The following IQCK variants were observed in gnomAD, a reference collection of about 807,000 sequenced individuals.
IQCK encodes the protein IQ motif containing K.
In IQCK, 29 loss-of-function variants were observed where a neutral mutation model predicts 28.1. That is an observed-to-expected ratio of 1.03 (90% CI 0.77 to 1.41). IQCK has a LOEUF of 1.41. Among genes scored for constraint, IQCK ranks in the 40% most tolerant of loss-of-function variants. The probability of loss-of-function intolerance (pLI) is 0.00; values close to 1 mark genes in which losing one functional copy is unlikely to be tolerated. For synonymous variants in IQCK, 113 were observed against 115.1 expected (o/e 0.98, Z 0.12); for missense variants, 359 against 314.7 (o/e 1.14, Z -1.07).
At chr16:19,843,598 A>G (rs1189295082) in intron 9 of IQCK, among the ~76,000 whole-genome samples, 1 of 152,234 alleles carries the variant, frequency 6.6e-6, no homozygotes, top group Non-Finnish European at 1.5e-5. Context: ...ATAATAAAAT[A>G]CCACAGACTT....
At chr16:19,780,560 A>G (rs528540985) in intron 6 of IQCK, among the ~76,000 whole-genome samples, 2 of 152,284 alleles carry the variant, frequency 1.3e-5, no homozygotes, top group East Asian at 3.9e-4. Context: ...CTAACTGTCT[A>G]CGATTCAGGG....
chr16:19,723,620 T>G (rs531756710), intron 1 of IQCK, among the ~76,000 whole-genome samples: 1 of 152,270 alleles, frequency 6.6e-6, no homozygotes, highest in South Asian at 2.1e-4. Context: ...AAGCATGGAC[T>G]GGGAGCACCT....
At chr16:19,780,415 C>G (rs1597552707) in intron 6 of IQCK, among the ~76,000 whole-genome samples, 1 of 152,124 alleles carries the variant, frequency 6.6e-6, no homozygotes, top group East Asian at 1.9e-4. Flanking sequence ...AAGCCATCCT[C>G]CCTCCTTGGC....
At chr16:19,838,189 C>T (rs959133935) in intron 9 of IQCK, among the ~76,000 whole-genome samples, 2 of 152,140 alleles carry the variant, frequency 1.3e-5, no homozygotes, top group Non-Finnish European at 2.9e-5. Context: ...AGTTTGGTCT[C>T]AACGTTGAAG....
chr16:19,835,292 A>C (rs2056280823), intron 9 of IQCK, among the ~76,000 whole-genome samples: 1 of 152,166 alleles, frequency 6.6e-6, no homozygotes, highest in African/African-American at 2.4e-5. Context: ...CAAAAAAATA[A>C]AAAACGTAAA....
intron 9 of IQCK, among the ~76,000 whole-genome samples, chr16:19,846,353 C>T (rs1187310102): frequency 6.6e-6 from 1 of 152,136 alleles, no homozygotes; most frequent in Non-Finnish European, 1.5e-5. Flanking sequence ...TTGGTGGCTT[C>T]CTTCCCCTGT....
At chr16:19,770,138 G>T (rs938497583) in intron 6 of IQCK, among the ~76,000 whole-genome samples, 1 of 152,140 alleles carries the variant, frequency 6.6e-6, no homozygotes, top group Non-Finnish European at 1.5e-5. Flanking sequence ...GGAATCAAGA[G>T]CCCCACATTG....
chr16:19,770,234 T>A (rs1253647053), intron 6 of IQCK, among the ~76,000 whole-genome samples: 1 of 152,196 alleles, frequency 6.6e-6, no homozygotes, highest in Non-Finnish European at 1.5e-5. Context: ...GCACTTACTC[T>A]AAGTCATGTG....
intron 2 of IQCK, among the ~76,000 whole-genome samples, chr16:19,731,617 T>G (rs1270803728): frequency 6.6e-6 from 1 of 152,140 alleles, no homozygotes; most frequent in African/African-American, 2.4e-5. Flanking sequence ...GCTATGATCT[T>G]CTTGACCCGT....
chr16:19,826,186 T>C (rs2141089976), intron 7 of IQCK, among the ~76,000 whole-genome samples: 1 of 152,228 alleles, frequency 6.6e-6, no homozygotes, highest in African/African-American at 2.4e-5. Flanking sequence ...TTGTTTATTT[T>C]TTATAGAGAT....
chr16:19,779,850 T>C (rs534750259), intron 6 of IQCK, among the ~76,000 whole-genome samples: 2 of 150,976 alleles, frequency 1.3e-5, no homozygotes. Context: ...CCCGAGTAGC[T>C]GGGACTACAG....
At chr16:19,840,702 G>A (rs1053515026) in intron 9 of IQCK, among the ~76,000 whole-genome samples, 6 of 152,240 alleles carry the variant, frequency 3.9e-5, no homozygotes, top group Admixed American at 3.9e-4. Flanking sequence ...GCAGAGAGAG[G>A]TCAAACAGTA....
chr16:19,781,685 T>C (rs570725662), intron 6 of IQCK, among the ~76,000 whole-genome samples: 5 of 152,292 alleles, frequency 3.3e-5, no homozygotes, highest in African/African-American at 1.2e-4. Flanking sequence ...TTTAAGTTTG[T>C]AAGCCAATAA....
intron 7 of IQCK, among the ~76,000 whole-genome samples, chr16:19,818,988 G>A (rs1447576536): frequency 6.6e-6 from 1 of 152,120 alleles, no homozygotes; most frequent in Non-Finnish European, 1.5e-5. Flanking sequence ...TGTCTGGGAG[G>A]AAAGGGATTG....
intron 4 of IQCK, chr16:19,735,993 A>G (rs1001368225): frequency 7.5e-6 from 3 of 402,528 alleles, no homozygotes; most frequent in African/African-American, 2.1e-5. Context: ...TTGAGGCCCA[A>G]AGTTTGAGGT....
At chr16:19,827,317 A>C, downstream of IQCK, 1 of 593,964 alleles carries the variant, frequency 1.7e-6, no homozygotes, top group South Asian at 2.1e-5. Flanking sequence ...GTGATGTGAT[A>C]TAATTTACAG....
chr16:19,847,262 T>A (rs2056424637), intron 9 of IQCK, among the ~76,000 whole-genome samples: 1 of 152,244 alleles, frequency 6.6e-6, no homozygotes, highest in African/African-American at 2.4e-5. Flanking sequence ...TAAGACTCTT[T>A]GAGGATCTGA....
At chr16:19,742,946 A>G (rs530253824) in intron 4 of IQCK, among the ~76,000 whole-genome samples, 4 of 152,310 alleles carry the variant, frequency 2.6e-5, no homozygotes, top group South Asian at 2.1e-4. Flanking sequence ...AGGCGGGTAG[A>G]TCACTTGAGG....
chr16:19,854,418 C>G (rs2056527313), intron 9 of IQCK, among the ~76,000 whole-genome samples: 1 of 148,718 alleles, frequency 6.7e-6, no homozygotes, highest in Admixed American at 6.8e-5. Flanking sequence ...GAGACCCAGC[C>G]TGATCCATCA....
Sources: gnomAD v4.1 joint callset for allele counts (sites outside exome capture counted in the v4.1 genomes callset) on GRCh38, gnomAD v4.1.1 for gene constraint, MANE v1.5 for transcripts, NCBI Gene and HGNC (gene_info 2026-07-23, HGNC 2026-07-21) for gene names.